TMEM135: variants seen among roughly 807,000 people sequenced by gnomAD.
The protein encoded by TMEM135 is transmembrane protein 135.
A neutral mutation model predicts 60.3 loss-of-function variants in TMEM135; 30 were observed. That is an observed-to-expected ratio of 0.50 (90% CI 0.37 to 0.68). The LOEUF (loss-of-function observed/expected upper bound fraction) is 0.68. Ranked by LOEUF, TMEM135 falls within the 30% of genes least tolerant of loss-of-function variation. TMEM135 has a pLI of 0.00. For synonymous variants in TMEM135, 190 were observed against 186.7 expected (o/e 1.02, Z -0.14); for missense variants, 468 against 548.8 (o/e 0.85, Z 1.47).
chr11:87,308,907 T>C (rs1942595382), intron 9 of TMEM135, among the ~76,000 whole-genome samples: 1 of 152,206 alleles, frequency 6.6e-6, no homozygotes, highest in Non-Finnish European at 1.5e-5. Flanking sequence ...TAATATACTT[T>C]AAAGCTACTC....
chr11:87,136,436 G>T (rs1012109290), intron 4 of TMEM135, among the ~76,000 whole-genome samples: 1 of 151,962 alleles, frequency 6.6e-6, no homozygotes, highest in East Asian at 1.9e-4. Context: ...AACTATGCCC[G>T]TGGGGGATAT....
rs531484298 is a variant in TMEM135 at position 87,061,521 on chromosome 11, C to T, written c.142-6173C>T. ...CATAAAATTGACTCTTATTTGCAAA[C>T]TATTTAATTTTCCAAAGAAACTAGA... On this transcript the variant is annotated intron_variant, in intron 1 of 14. Transcript: ENST00000305494. 7.9e-5 allele frequency among the ~76,000 whole-genome samples: 12 copies of T among 152,280 alleles called. No individual in the cohort carries two copies. In the South Asian group the frequency reaches 1.0e-3, roughly 13 times the overall value.
intron 4 of TMEM135, among the ~76,000 whole-genome samples, chr11:87,117,315 T>A (rs547651221): frequency 3.9e-5 from 6 of 152,252 alleles, no homozygotes; most frequent in African/African-American, 1.4e-4. Flanking sequence ...AAGACAACAA[T>A]GAAATTTGCC....
chr11:87,052,652 AGTCAGGAAACAACAG>A (rs1949847640), intron 1 of TMEM135, among the ~76,000 whole-genome samples: 1 of 104,170 alleles, frequency 9.6e-6, no homozygotes, highest in South Asian at 3.9e-4. Context: ...ATCATTAAAA[AGTCAGGAAACAACAG>A]GTGCTGGAAA....
intron 6 of TMEM135, chr11:87,258,744 G>T: frequency 9.3e-6 from 4 of 429,016 alleles, no homozygotes; most frequent in Non-Finnish European, 1.7e-5. Flanking sequence ...GGTTTAGATG[G>T]ATCAATGTGC....
chr11:87,061,012 G>A (rs1949941514), intron 1 of TMEM135, among the ~76,000 whole-genome samples: 1 of 152,022 alleles, frequency 6.6e-6, no homozygotes, highest in African/African-American at 2.4e-5. Context: ...AATAAAATGA[G>A]GAGATTGAAA....
chr11:87,059,788 A>G (rs1000968688), intron 1 of TMEM135, among the ~76,000 whole-genome samples: 22 of 152,224 alleles, frequency 1.4e-4, no homozygotes, highest in African/African-American at 5.1e-4. Flanking sequence ...TAAATACTTT[A>G]TATTTGTTAT....
At chr11:87,307,305 T>G (rs1051974896) in intron 9 of TMEM135, among the ~76,000 whole-genome samples, 14 of 152,016 alleles carry the variant, frequency 9.2e-5, no homozygotes, top group African/African-American at 3.4e-4. Flanking sequence ...GGTTTTGTTT[T>G]GTTTTGTTCC....
chr11:87,288,741 C>T (rs1313691622), intron 6 of TMEM135, among the ~76,000 whole-genome samples: 1 of 152,134 alleles, frequency 6.6e-6, no homozygotes, highest in Non-Finnish European at 1.5e-5. Context: ...TTATGAGTAG[C>T]ATCTGTATCC....
At chr11:87,079,966 C>T (rs1856954421) in intron 3 of TMEM135, among the ~76,000 whole-genome samples, 1 of 150,570 alleles carries the variant, frequency 6.6e-6, no homozygotes. Context: ...CTCAGCCTCT[C>T]AAGTAGCTGG....
rs747270048 is a variant in TMEM135 at position 87,157,368 on chromosome 11, G to A, written c.424G>A (p.Val142Ile). 9 of 1,612,680 alleles carry A rather than the reference G, an allele frequency of 5.6e-6. No individual in the cohort carries two copies. Among genetic ancestry groups the A allele is most frequent in the Non-Finnish European group, 7.6e-6 (9 of 1,179,398 alleles). ...CACAGAAACACTATTCAGAATGGGT[G>A]TAGCAAGAGGAACCATCACAACATT... is the stretch of plus-strand genomic sequence containing the variant. ...LATETLFRMG[V>I]ARGTITTLRN... The change falls in exon 5 of 15, where the codon GTA becomes ATA. Residue 142 changes from valine (V) to isoleucine (I), a missense_variant. Physicochemically the swap from Val to Ile is conservative, Grantham distance 29. Coordinates refer to ENST00000305494, the MANE Select transcript of TMEM135 (RefSeq NM_022918.4).
chr11:87,169,345 T>G (rs1285765168), intron 5 of TMEM135, among the ~76,000 whole-genome samples: 1 of 151,082 alleles, frequency 6.6e-6, no homozygotes. Context: ...CCTGTCATTA[T>G]GATGCTAGCT....
intron 5 of TMEM135, among the ~76,000 whole-genome samples, chr11:87,206,826 A>G (rs375648003): frequency 3.3e-5 from 5 of 152,140 alleles, no homozygotes; most frequent in Non-Finnish European, 5.9e-5. Flanking sequence ...ATTGCATTAG[A>G]TGGTTATTTA....
intron 6 of TMEM135, among the ~76,000 whole-genome samples, chr11:87,277,985 A>G (rs533580291): frequency 6.6e-6 from 1 of 152,294 alleles, no homozygotes; most frequent in African/African-American, 2.4e-5. Context: ...ATGCATAGCT[A>G]TGATTATGTC....
rs1467025096 is a variant in TMEM135 at position 87,326,211 on chromosome 11, G to A, written c.*4878G>A. Reference sequence around the variant, plus strand: ...GATAATAGGATGTTCCCTGGTCTTGGCATAGAGGCCATAGGCATACAACAT... The same window carrying A: ...GATAATAGGATGTTCCCTGGTCTTGACATAGAGGCCATAGGCATACAACAT... On this transcript the variant is annotated 3_prime_UTR_variant, in exon 15 of 15. Transcript: ENST00000305494. The A allele has an allele frequency of 2.2e-6, 1 of 453,768 alleles. No homozygotes were observed. Among genetic ancestry groups the A allele is most frequent in the African/African-American group, 2.0e-5 (1 of 49,926 alleles). The allele number at this position is 453,768 out of a possible 1,614,324, so 28.1% of individuals were successfully genotyped here. A position where few individuals can be genotyped will look rare whatever the true frequency, so the allele number is the denominator to read the frequency against.
intron 13 of TMEM135, among the ~76,000 whole-genome samples, chr11:87,318,513 A>G (rs1166106749): frequency 6.6e-6 from 1 of 152,044 alleles, no homozygotes; most frequent in African/African-American, 2.4e-5. Context: ...GTACCTTGGG[A>G]AGAATGCCCC....
chr11:87,102,323 C>T (rs902490746), intron 4 of TMEM135, among the ~76,000 whole-genome samples: 1 of 152,106 alleles, frequency 6.6e-6, no homozygotes, highest in African/African-American at 2.4e-5. Flanking sequence ...AAACACTTTG[C>T]TTACATTTAC....
intron 1 of TMEM135, among the ~76,000 whole-genome samples, chr11:87,043,760 C>A (rs1348481793): frequency 6.6e-6 from 1 of 151,894 alleles, no homozygotes; most frequent in African/African-American, 2.4e-5. Context: ...ACTGTTTAAC[C>A]CCTAGACTAC....
intron 4 of TMEM135, among the ~76,000 whole-genome samples, chr11:87,098,829 C>T (rs1591017765): frequency 6.6e-6 from 1 of 152,036 alleles, no homozygotes; most frequent in African/African-American, 2.4e-5. Context: ...GCTGGGACTA[C>T]AGGCACCCAC....
Sources: allele counts gnomAD v4.1 joint callset (sites outside exome capture counted in the v4.1 genomes callset), GRCh38; gene constraint gnomAD v4.1.1; transcripts MANE v1.5; gene names NCBI Gene and HGNC (gene_info 2026-07-23, HGNC 2026-07-21).